The following DTNB variants were observed in gnomAD, a reference collection of about 807,000 sequenced individuals.
DTNB encodes dystrobrevin beta.
In DTNB, 63 loss-of-function variants were observed where a neutral mutation model predicts 90.7. That is an observed-to-expected ratio of 0.69 (90% confidence interval 0.57 to 0.86). The LOEUF (loss-of-function observed/expected upper bound fraction) is 0.86, where lower values mean the gene tolerates loss of function less well. Ranked by LOEUF, DTNB falls within the 40% of genes least tolerant of loss-of-function variation. The probability of loss-of-function intolerance (pLI) is 0.00; values close to 1 mark genes in which losing one functional copy is unlikely to be tolerated. For missense variants in DTNB, 744 were observed against 807.1 expected (o/e 0.92, Z 0.95); for synonymous variants, 277 against 286.7 (o/e 0.97, Z 0.34).
intron 10 of DTNB, among the ~76,000 whole-genome samples, chr2:25,461,841 CA>C (rs2060998023): frequency 6.6e-6 from 1 of 152,130 alleles, no homozygotes; most frequent in African/African-American, 2.4e-5. Context: ...TGAGAGGACA[CA>C]ATACAATTTT....
intron 9 of DTNB, among the ~76,000 whole-genome samples, chr2:25,520,063 C>T (rs2075865941): frequency 6.6e-6 from 1 of 152,038 alleles, no homozygotes; most frequent in African/African-American, 2.4e-5. Context: ...CAATTAATAA[C>T]TCTCTTCAGA....
intron 8 of DTNB, among the ~76,000 whole-genome samples, chr2:25,545,685 G>A (rs2082268013): frequency 6.6e-6 from 1 of 152,126 alleles, no homozygotes; most frequent in Admixed American, 6.5e-5. Context: ...GCAGTGGTAC[G>A]ATCTTGGCTC....
chr2:25,419,611 C>T (rs1328108634), intron 15 of DTNB, 76 bp from the exon 16 acceptor site: 3 of 1,525,294 alleles, frequency 2.0e-6, no homozygotes, highest in Admixed American at 2.0e-5. Flanking sequence ...CCCATCACCA[C>T]AAACATTGGT....
intron 3 of DTNB, among the ~76,000 whole-genome samples, chr2:25,632,870 G>C (rs950566169): frequency 6.6e-6 from 1 of 152,132 alleles, no homozygotes; most frequent in Admixed American, 6.5e-5. Flanking sequence ...ATAGTAAAAT[G>C]AAAGGTTTTG....
intron 8 of DTNB, among the ~76,000 whole-genome samples, chr2:25,576,226 T>G (rs908222770): frequency 2.9e-4 from 42 of 144,070 alleles, no homozygotes; most frequent in South Asian, 4.6e-4. Flanking sequence ...GTTTTGTTTT[T>G]TTTTTTTTTT....
At chr2:25,492,147 T>C (rs1057048432) in intron 9 of DTNB, among the ~76,000 whole-genome samples, 9 of 152,202 alleles carry the variant, frequency 5.9e-5, no homozygotes, top group Non-Finnish European at 5.9e-5. Flanking sequence ...TATAGGAAGA[T>C]AAGATAGTAA....
intron 9 of DTNB, among the ~76,000 whole-genome samples, chr2:25,483,152 G>C (rs924802487): frequency 6.6e-6 from 1 of 152,350 alleles, no homozygotes; most frequent in Admixed American, 6.5e-5. Flanking sequence ...GGGCCACTGA[G>C]CTGTGGGTAC....
At chr2:25,383,648 TC>T in intron 19 of DTNB, 187 bp downstream of exon 19, 1 of 1,262,044 alleles carries the variant, frequency 7.9e-7, no homozygotes, top group Non-Finnish European at 1.1e-6. Context: ...CTCTTGGTGA[TC>T]GACTGACCTT....
intron 11 of DTNB, among the ~76,000 whole-genome samples, chr2:25,452,335 T>C (rs1178582498): frequency 2.0e-5 from 3 of 151,962 alleles, no homozygotes; most frequent in Non-Finnish European, 4.4e-5. Flanking sequence ...GCTCTGCATA[T>C]GGGATGCTGA....
At position 25,387,665 on chromosome 2, in the gene DTNB, C is replaced by G. The variant is rs1199513668; in HGVS notation, c.1736-287G>C. ...GCTGGGTTCCAGAATAAGCATTCCA[C>G]CGAGGTCTTCCTCAGCCTTGTGGGG... On this transcript the variant is annotated intron_variant, in intron 17 of 20. Coordinates refer to ENST00000406818, the MANE Select transcript of DTNB (RefSeq NM_021907.5). This position sits in a 1 kb window ranked among gnomAD's most constrained non-coding sequence, Gnocchi z 4.5. 6.6e-6 allele frequency among the ~76,000 whole-genome samples: 1 copy of G among 152,212 alleles called. No homozygotes were observed. Among genetic ancestry groups the G allele is most frequent in the Non-Finnish European group, 1.5e-5 (1 of 68,032 alleles).
At chr2:25,606,167 A>T (rs887070285) in intron 5 of DTNB, among the ~76,000 whole-genome samples, 2 of 148,848 alleles carry the variant, frequency 1.3e-5, no homozygotes, top group African/African-American at 2.5e-5. Context: ...CTTGAATCTG[A>T]TCAAACCTCT....
intron 16 of DTNB, among the ~76,000 whole-genome samples, chr2:25,398,542 G>A (rs1006149458): frequency 1.3e-5 from 2 of 152,210 alleles, no homozygotes; most frequent in Admixed American, 6.5e-5. Flanking sequence ...CAGGCCTGAG[G>A]CTAAGGGTTC....
chr2:25,627,418 A>T lies in DTNB; in HGVS notation c.362+753T>A, dbSNP rs116245603. Reference sequence around the variant, plus strand: ...AACAAGAGAGAAACTCCATCTCAAAAAAAAAAGAGAGAAAATCAGTTACTA... The same window carrying T: ...AACAAGAGAGAAACTCCATCTCAAATAAAAAAGAGAGAAAATCAGTTACTA... On this transcript the variant is annotated intron_variant, in intron 4 of 20. Coordinates refer to ENST00000406818, the MANE Select transcript of DTNB (RefSeq NM_021907.5). Among the ~76,000 whole-genome samples, 709 of 152,272 alleles carry T rather than the reference A, an allele frequency of 4.7e-3. 7 individuals carry two copies. The highest frequency in any genetic ancestry group is 0.017 in the African/African-American group (688 of 41,558).
chr2:25,540,208 A>C (rs1407778764), intron 8 of DTNB, among the ~76,000 whole-genome samples: 1 of 152,222 alleles, frequency 6.6e-6, no homozygotes, highest in Non-Finnish European at 1.5e-5. Context: ...TTTCATGGGA[A>C]CTGATCAAAT....
intron 9 of DTNB, among the ~76,000 whole-genome samples, chr2:25,492,100 C>T (rs974343207): frequency 1.3e-5 from 2 of 151,960 alleles, no homozygotes; most frequent in African/African-American, 4.8e-5. Context: ...TAAAAAAAGC[C>T]AACAGCATGA....
At chr2:25,405,882 CGA>C (rs1558380743) in intron 16 of DTNB, among the ~76,000 whole-genome samples, 1 of 151,946 alleles carries the variant, frequency 6.6e-6, no homozygotes, top group African/African-American at 2.4e-5. Context: ...GACTGAGAAA[CGA>C]GAGACAGGAG....
At chr2:25,673,142 C>T (rs1272436299) in intron 1 of DTNB, among the ~76,000 whole-genome samples, 2 of 151,718 alleles carry the variant, frequency 1.3e-5, no homozygotes, top group Non-Finnish European at 2.9e-5. Context: ...CCCTCCCGGC[C>T]CGGGATCCGC....
At chr2:25,659,442 G>A (rs1217353797) in intron 1 of DTNB, among the ~76,000 whole-genome samples, 1 of 151,504 alleles carries the variant, frequency 6.6e-6, no homozygotes, top group Admixed American at 6.6e-5. Context: ...AAAAGAAAGA[G>A]AAGTCAATGA....
intron 5 of DTNB, among the ~76,000 whole-genome samples, chr2:25,602,083 C>CT (rs1394923450): frequency 6.6e-6 from 1 of 152,032 alleles, no homozygotes; most frequent in Non-Finnish European, 1.5e-5. Context: ...GATCACACCA[C>CT]TGCACTCCAG....
Sources: gnomAD v4.1 joint callset for allele counts (sites outside exome capture counted in the v4.1 genomes callset) on GRCh38, gnomAD v4.1.1 for gene constraint, Gnocchi (gnomAD v3.1) non-coding constraint, MANE v1.5 for transcripts, NCBI Gene and HGNC (gene_info 2026-07-23, HGNC 2026-07-21) for gene names.